The following PRDX6 variants were observed in gnomAD, a reference collection of about 807,000 sequenced individuals.
PRDX6 encodes the protein peroxiredoxin 6.
PRDX6 carries 13 observed loss-of-function variants against 20.0 expected under a neutral mutation model. The observed-to-expected ratio is 0.65, with a 90% CI of 0.42 to 1.03. The LOEUF (loss-of-function observed/expected upper bound fraction) is 1.03, where lower values mean the gene tolerates loss of function less well. Ranked by LOEUF, PRDX6 falls within the 50% of genes least tolerant of loss-of-function variation. The pLI is 0.00. For missense variants in PRDX6, 203 were observed against 276.9 expected (o/e 0.73, Z 1.89); for synonymous variants, 85 against 100.8 (o/e 0.84, Z 0.94).
chr1:173,481,694 C>CT (rs1658803829), intron 2 of PRDX6: 3 of 557,110 alleles, frequency 5.4e-6, no homozygotes, highest in Non-Finnish European at 9.5e-6. Context: ...CAGCAGCATT[C>CT]AACCCAGCTG....
chr1:173,477,515 T>C, intron 1 of PRDX6, 23 bp downstream of exon 1: 1 of 1,574,846 alleles, frequency 6.3e-7, no homozygotes, highest in Middle Eastern at 1.7e-4. Context: ...CGCGTAGCCC[T>C]GTCCTGGCCT....
Position 173,487,637 on chromosome 1 carries a change from T to C in PRDX6, c.547-98T>C. 3 of 1,342,844 alleles carry C rather than the reference T, an allele frequency of 2.2e-6. No homozygotes were observed. The East Asian group carries it at 7.0e-5, about 31-fold the overall frequency. 83.2% of individuals were successfully genotyped at this position (1,342,844 alleles called of 1,614,324 possible). A position where few individuals can be genotyped will look rare whatever the true frequency, so the allele number is the denominator to read the frequency against. On this transcript the variant is annotated intron_variant, in intron 4 of 4. Transcript: ENST00000340385. The stretch of plus-strand genomic sequence containing the variant: ...GAGAGTAAAGAACACTTGATTAGTC[T>C]CATTAGCACCTGTAGCTACTTTTCT...
chr1:173,483,802 T>G (rs1658844224), intron 2 of PRDX6, among the ~76,000 whole-genome samples: 1 of 152,070 alleles, frequency 6.6e-6, no homozygotes, highest in African/African-American at 2.4e-5. Context: ...TGCCCACATG[T>G]TTCATTAATA....
rs1658798608 is a variant in PRDX6, at chr1:173,481,370, G to T, written c.140G>T (p.Cys47Phe). ...CACCCTCGGGACTTTACCCCAGTGTGCACCACAGAGCTTGGCAGAGCTGCA... is the reference window on the plus strand; with the variant it reads ...CACCCTCGGGACTTTACCCCAGTGTTCACCACAGAGCTTGGCAGAGCTGCA... ...FSHPRDFTPV[C>F]TTELGRAAKL... The change falls in exon 2 of 5, where the codon TGC (cysteine) becomes TTC (phenylalanine). Residue 47 changes from cysteine (C) to phenylalanine (F), a missense_variant. Cys to Phe is a radical substitution (Grantham distance 205). Coordinates refer to ENST00000340385, the MANE Select transcript of PRDX6 (RefSeq NM_004905.3). 1 of 1,613,736 alleles carries T rather than the reference G, an allele frequency of 6.2e-7. No individual in the cohort carries two copies. The highest frequency in any genetic ancestry group is 8.5e-7 in the Non-Finnish European group (1 of 1,179,678).
At chr1:173,484,328 G>A (rs1437994141) in intron 2 of PRDX6, among the ~76,000 whole-genome samples, 2 of 151,030 alleles carry the variant, frequency 1.3e-5, no homozygotes, top group East Asian at 1.9e-4. Flanking sequence ...TCCTTCAAGG[G>A]CCTAGATAGA....
At chr1:173,487,208 GTGAC>G (rs753746244) in intron 4 of PRDX6, among the ~76,000 whole-genome samples, 11 of 152,174 alleles carry the variant, frequency 7.2e-5, no homozygotes, top group Non-Finnish European at 1.5e-4. Flanking sequence ...GGGTGGGAGA[GTGAC>G]TGTCAAGGAA....
intron 4 of PRDX6, among the ~76,000 whole-genome samples, chr1:173,486,859 T>A (rs1175314486): frequency 6.6e-6 from 1 of 152,236 alleles, no homozygotes; most frequent in Non-Finnish European, 1.5e-5. Context: ...GTTCATAAAC[T>A]TTTCATCTTT....
chr1:173,481,519 T>G (rs367952488), intron 2 of PRDX6, 37 bp downstream of exon 2: 2 of 1,596,160 alleles, frequency 1.3e-6, no homozygotes, highest in African/African-American at 2.7e-5. Flanking sequence ...AGCCTGAGAT[T>G]ATAGGTCAAG....
chr1:173,488,243 C>G lies in PRDX6; in HGVS notation c.*380C>G, dbSNP rs1804051. On this transcript the variant is annotated 3_prime_UTR_variant, in exon 5 of 5. Coordinates refer to ENST00000340385, the MANE Select transcript of PRDX6 (RefSeq NM_004905.3). ...TTTTTTAACTGTCCTATCACGTCCTCTCCTGTCACCCATTTTGAAGAGTGG... is the reference window on the plus strand; with the variant it reads ...TTTTTTAACTGTCCTATCACGTCCTGTCCTGTCACCCATTTTGAAGAGTGG... 4.5e-4 allele frequency: 71 copies of G among 159,312 alleles called. No homozygotes were observed. Among genetic ancestry groups the G allele is most frequent in the Non-Finnish European group, 8.0e-4 (58 of 72,774 alleles). The allele number at this position is 159,312 out of a possible 1,614,324, so 9.9% of individuals were successfully genotyped here.
At chr1:173,484,253 G>A (rs575433619) in intron 2 of PRDX6, among the ~76,000 whole-genome samples, 7 of 147,352 alleles carry the variant, frequency 4.8e-5, no homozygotes, top group South Asian at 2.1e-4. Flanking sequence ...ATGTGTGTGT[G>A]CATATATATA....
At chr1:173,480,417 A>G (rs1387576810) in intron 1 of PRDX6, among the ~76,000 whole-genome samples, 1 of 152,220 alleles carries the variant, frequency 6.6e-6, no homozygotes, top group Non-Finnish European at 1.5e-5. Context: ...GATGTGGAGA[A>G]CTGAGTGTTA....
intron 2 of PRDX6, chr1:173,481,949 G>A (rs35263596): frequency 0.049 from 7,904 of 160,990 alleles, 400 homozygotes; most frequent in East Asian, 0.27. Flanking sequence ...GACTCTTCCA[G>A]GTTCATATAA....
chr1:173,481,668 C>A, intron 2 of PRDX6, 186 bp downstream of exon 2: 1 of 619,882 alleles, frequency 1.6e-6, no homozygotes, highest in Non-Finnish European at 2.7e-6. Context: ...AATTCTCAGC[C>A]CTCCTCTTGG....
intron 4 of PRDX6, 56 bp from the exon 5 acceptor site, chr1:173,487,679 G>A (rs1658922746): frequency 1.3e-6 from 2 of 1,595,324 alleles, no homozygotes; most frequent in Non-Finnish European, 1.7e-6. Context: ...AATTCCTGAA[G>A]GCCTTGAAGC....
intron 2 of PRDX6, 173 bp downstream of exon 2, chr1:173,481,655 G>T (rs1461948595): frequency 1.5e-6 from 1 of 668,802 alleles, no homozygotes; most frequent in African/African-American, 1.8e-5. Flanking sequence ...CCATTGGTCA[G>T]TCAATTCTCA....
intron 2 of PRDX6, chr1:173,482,094 C>A (rs908803894): frequency 6.6e-6 from 1 of 152,350 alleles, no homozygotes; most frequent in African/African-American, 2.4e-5. Context: ...TTGTTCACAC[C>A]CCAAATCCAG....
At chr1:173,483,892 G>A (rs1658845860) in intron 2 of PRDX6, among the ~76,000 whole-genome samples, 1 of 151,818 alleles carries the variant, frequency 6.6e-6, no homozygotes, top group Non-Finnish European at 1.5e-5. Flanking sequence ...CACAAGGTTA[G>A]GAGTTCAAGG....
At chr1:173,487,034 A>G (rs1044313827) in intron 4 of PRDX6, among the ~76,000 whole-genome samples, 1 of 152,220 alleles carries the variant, frequency 6.6e-6, no homozygotes, top group African/African-American at 2.4e-5. Context: ...TATTGAGCCC[A>G]GATAGTAGTG....
chr1:173,483,946 C>A (rs998124972), intron 2 of PRDX6, among the ~76,000 whole-genome samples: 13 of 149,018 alleles, frequency 8.7e-5, no homozygotes, highest in African/African-American at 2.7e-4. Context: ...ACTAAAAATA[C>A]AAAAAAAAAT....
Sources: allele counts gnomAD v4.1 joint callset (sites outside exome capture counted in the v4.1 genomes callset), GRCh38; gene constraint gnomAD v4.1.1; transcripts MANE v1.5; gene names NCBI Gene and HGNC (gene_info 2026-07-23, HGNC 2026-07-21).